The following AGPAT1 variants were observed in gnomAD, a reference collection of about 807,000 sequenced individuals.
AGPAT1 encodes 1-acylglycerol-3-phosphate O-acyltransferase 1.
In AGPAT1, 6 loss-of-function variants were observed where a neutral mutation model predicts 31.2. That is an observed-to-expected ratio of 0.19 (90% CI 0.11 to 0.38). The LOEUF (loss-of-function observed/expected upper bound fraction) is 0.38. Among genes scored for constraint, AGPAT1 ranks in the 10% least tolerant of loss-of-function variants. The pLI is 1.00. For synonymous variants in AGPAT1, 139 were observed against 154.0 expected, an observed-to-expected ratio of 0.90 and a Z score of 0.72; for missense variants, 187 against 377.8, an observed-to-expected ratio of 0.49 and a Z score of 4.19.
At chr6:32,176,107 A>T, upstream of AGPAT1, 2 of 984,878 alleles carry the variant, frequency 2.0e-6, no homozygotes, top group Non-Finnish European at 2.4e-6. Flanking sequence ...CCCCTCCCCA[A>T]CGCCTGCTGG....
rs187833281 is a variant in AGPAT1 at position 32,170,102 on chromosome 6, G to A, written c.606+63C>T. The A allele has an allele frequency of 2.7e-3, 4,313 of 1,609,024 alleles. 7 individuals are homozygous for A. Among genetic ancestry groups the A allele is most frequent in the Non-Finnish European group, 3.5e-3 (4,067 of 1,175,408 alleles). On this transcript the variant is annotated intron_variant, in intron 5 of 6. Transcript: ENST00000375107. The surrounding 1 kb of genome is among the most constrained non-coding windows in gnomAD (Gnocchi z 7.7). ...TCAGAGACTCCTACAATAAGCCCCT[G>A]CCCAGAGATGAGGGAATGGTGGGGG...
rs564760629 is a variant in AGPAT1 at position 32,171,269 on chromosome 6, T to C, written c.200+28A>G. On this transcript the variant is annotated intron_variant, in intron 2 of 6. Coordinates refer to ENST00000375107, the MANE Select transcript of AGPAT1 (RefSeq NM_006411.4). This position sits in a 1 kb window ranked among gnomAD's most constrained non-coding sequence, Gnocchi z 6.9. ...ACTCACTTTGTACCCTTAGGTTCCC[T>C]CATTGCCCAAGACCCCTTGCCCCTC... 99 of 1,613,058 alleles carry C rather than the reference T, an allele frequency of 6.1e-5. 1 individual carries two copies. The East Asian group carries it at 1.6e-3, about 25-fold the overall frequency.
chr6:32,171,667 G>A lies in AGPAT1; in HGVS notation c.-9-162C>T. On this transcript the variant is annotated intron_variant, in intron 1 of 6. Coordinates refer to ENST00000375107, the MANE Select transcript of AGPAT1 (RefSeq NM_006411.4). The surrounding 1 kb of genome is among the most constrained non-coding windows in gnomAD (Gnocchi z 6.9). ...GAAACCTTCCCAGGAAGGCTCTCTA[G>A]GATGAGGGTGGTGGAGAAAGAGCTC... 1.1e-6 allele frequency: 1 copy of A among 918,602 alleles called. No homozygotes were observed. Among genetic ancestry groups the A allele is most frequent in the Non-Finnish European group, 1.6e-6 (1 of 618,506 alleles). 56.9% of individuals were successfully genotyped at this position (918,602 alleles called of 1,614,324 possible). A position where few individuals can be genotyped will look rare whatever the true frequency, so the allele number is the denominator to read the frequency against.
rs1785510236 is a variant in AGPAT1, at chr6:32,176,007, G to C, written c.-203C>G. ...GGTTGGGCCCATAGCGGTAGGAATG[G>C]TGGGGGGCTGTCCCCCCAGCACCCT... is the stretch of plus-strand genomic sequence containing the variant. On this transcript the variant is annotated 5_prime_UTR_variant, in exon 1 of 7. Coordinates refer to ENST00000375107, the MANE Select transcript of AGPAT1 (RefSeq NM_006411.4). 4.1e-6 allele frequency: 4 copies of C among 985,182 alleles called. No individual in the cohort carries two copies. Among genetic ancestry groups the C allele is most frequent in the African/African-American group, 1.7e-5 (1 of 57,166 alleles). The allele number at this position is 985,182 out of a possible 1,614,324, so 61.0% of individuals were successfully genotyped here. A position where few individuals can be genotyped will look rare whatever the true frequency, so the allele number is the denominator to read the frequency against.
In AGPAT1 at chr6:32,173,323, G is replaced by A. The variant is rs187348413; in HGVS notation, c.-9-1818C>T. Among the ~76,000 whole-genome samples the A allele has an allele frequency of 1.3e-5, 2 of 152,306 alleles. No homozygotes were observed. The highest frequency in any genetic ancestry group is 3.9e-4 in the East Asian group (2 of 5,182). ...AGGTAAGCCTATTGCCAAGCGAGAA[G>A]GTAACAGGCAATAGAGGAAACAGGA... On this transcript the variant is annotated intron_variant, in intron 1 of 6. Transcript: ENST00000375107. This position sits in a 1 kb window ranked among gnomAD's most constrained non-coding sequence, Gnocchi z 4.7.
In AGPAT1 at chr6:32,169,365, G is replaced by A. The variant is rs1375429510; in HGVS notation, c.763C>T (p.Arg255Trp). The A allele has an allele frequency of 6.2e-7, 1 of 1,612,912 alleles. No homozygotes were observed. The highest frequency in any genetic ancestry group is 8.5e-7 in the Non-Finnish European group (1 of 1,179,966). Residue 255 changes from arginine (R) to tryptophan (W), a missense_variant, in exon 7 of 7, where the codon CGG becomes TGG. By Grantham distance (101) the Arg-to-Trp change is moderately radical. Transcript: ENST00000375107. This position sits in a 1 kb window ranked among gnomAD's most constrained non-coding sequence, Gnocchi z 5.9. ...CGGAAAACAGTGAGCATGGAGTGCC[G>A]GACTCTGTCAGCCAGAGCTGGGACG... ...DDVPALADRVRHSMLTVFREI... is the reference protein window; with the variant it reads ...DDVPALADRVWHSMLTVFREI...
chr6:32,176,143 G>A (rs1561855452), upstream of AGPAT1: 1 of 985,474 alleles, frequency 1.0e-6, no homozygotes, highest in South Asian at 4.7e-5. Context: ...AGGAAGTGGA[G>A]GGCGGTGATG....
At position 32,174,807 on chromosome 6, in the gene AGPAT1, A is replaced by T. The variant is rs1785390019; in HGVS notation, c.-10+1007T>A. ...ATTTAGAAATGCAATGGAGGGCCAAATTTAATGAGCATACGGCTCACAAAA... is the reference window on the plus strand; with the variant it reads ...ATTTAGAAATGCAATGGAGGGCCAATTTTAATGAGCATACGGCTCACAAAA... On this transcript the variant is annotated intron_variant, in intron 1 of 6. Transcript: ENST00000375107. This position sits in a 1 kb window ranked among gnomAD's most constrained non-coding sequence, Gnocchi z 4.5. 1.3e-5 allele frequency among the ~76,000 whole-genome samples: 2 copies of T among 152,250 alleles called. No homozygotes were observed. The highest frequency in any genetic ancestry group is 4.1e-4 in the South Asian group (2 of 4,832).
rs1785389669 is a variant in AGPAT1, at chr6:32,174,802, G to A, written c.-10+1012C>T. Among the ~76,000 whole-genome samples, 1 of 152,186 alleles carries A rather than the reference G, an allele frequency of 6.6e-6. No homozygotes were observed. The highest frequency in any genetic ancestry group is 2.4e-5 in the African/African-American group (1 of 41,432). On this transcript the variant is annotated intron_variant, in intron 1 of 6. Coordinates refer to ENST00000375107, the MANE Select transcript of AGPAT1 (RefSeq NM_006411.4). This position sits in a 1 kb window ranked among gnomAD's most constrained non-coding sequence, Gnocchi z 4.5. The stretch of plus-strand genomic sequence containing the variant: ...CAAGGATTTAGAAATGCAATGGAGG[G>A]CCAAATTTAATGAGCATACGGCTCA...
At position 32,170,915 on chromosome 6, in the gene AGPAT1, G is replaced by A. The variant is rs1449753940; in HGVS notation, c.334+22C>T. ...GAGGGGAGGCATGGCTGGGGGAGGT[G>A]TGCCCTGTGGTGGGGTCTCACCAAG... On this transcript the variant is annotated intron_variant, in intron 3 of 6. Coordinates refer to ENST00000375107, the MANE Select transcript of AGPAT1 (RefSeq NM_006411.4). The surrounding 1 kb of genome is among the most constrained non-coding windows in gnomAD (Gnocchi z 7.7). The A allele has an allele frequency of 1.9e-6, 3 of 1,599,388 alleles. No homozygotes were observed. The highest frequency in any genetic ancestry group is 3.4e-5 in the Admixed American group (2 of 59,404).
In AGPAT1 at chr6:32,172,344, ATGT is replaced by A. The variant is rs1392830807; in HGVS notation, c.-9-842_-9-840del. The stretch of plus-strand genomic sequence containing the variant: ...AAAAAAAGAAATTATAATCTTTTGG[ATGT>A]TATCAGATTCAAGAAAATATATTAC... On this transcript the variant is annotated intron_variant, in intron 1 of 6. Coordinates refer to ENST00000375107, the MANE Select transcript of AGPAT1 (RefSeq NM_006411.4). This position sits in a 1 kb window ranked among gnomAD's most constrained non-coding sequence, Gnocchi z 4.3. Among the ~76,000 whole-genome samples the A allele has an allele frequency of 1.1e-4, 17 of 151,804 alleles. No homozygotes were observed. The South Asian group carries it at 1.2e-3, about 11-fold the overall frequency.
In AGPAT1 at chr6:32,169,002, A is replaced by G. The variant is rs1309908575; in HGVS notation, c.*274T>C. 3.9e-6 allele frequency: 2 copies of G among 511,080 alleles called. No homozygotes were observed. Among genetic ancestry groups the G allele is most frequent in the East Asian group, 3.1e-5 (1 of 32,570 alleles). 31.7% of individuals were successfully genotyped at this position (511,080 alleles called of 1,614,324 possible). A position where few individuals can be genotyped will look rare whatever the true frequency, so the allele number is the denominator to read the frequency against. On this transcript the variant is annotated 3_prime_UTR_variant, in exon 7 of 7. Transcript: ENST00000375107. The surrounding 1 kb of genome is among the most constrained non-coding windows in gnomAD (Gnocchi z 5.9). Reference sequence around the variant, plus strand: ...CCTTGTGTAGGCTGAGTCACTGGAGATGAGGGGGAGGCAACTGTCCCACAG... The same window carrying G: ...CCTTGTGTAGGCTGAGTCACTGGAGGTGAGGGGGAGGCAACTGTCCCACAG...
Position 32,170,918 on chromosome 6 carries a change from C to T in AGPAT1, c.334+19G>A. 6.2e-7 allele frequency: 1 copy of T among 1,601,564 alleles called. No homozygotes were observed. On this transcript the variant is annotated intron_variant, in intron 3 of 6. Transcript: ENST00000375107. This position sits in a 1 kb window ranked among gnomAD's most constrained non-coding sequence, Gnocchi z 7.7. ...GGGAGGCATGGCTGGGGGAGGTGTG[C>T]CCTGTGGTGGGGTCTCACCAAGCAG...
Position 32,170,786 on chromosome 6 carries a change from T to C in AGPAT1, c.334+151A>G, listed in dbSNP as rs1236284646. 7.8e-7 allele frequency: 1 copy of C among 1,277,770 alleles called. No individual in the cohort carries two copies. Among genetic ancestry groups the C allele is most frequent in the Non-Finnish European group, 1.1e-6 (1 of 905,090 alleles). 79.2% of individuals were successfully genotyped at this position (1,277,770 alleles called of 1,614,324 possible). A position where few individuals can be genotyped will look rare whatever the true frequency, so the allele number is the denominator to read the frequency against. ...ATATGTAACCTGCTTATGAGGGCAG[T>C]TCTACCCAGGGAATGAAGGCCTGAG... On this transcript the variant is annotated intron_variant, in intron 3 of 6. Transcript: ENST00000375107. The surrounding 1 kb of genome is among the most constrained non-coding windows in gnomAD (Gnocchi z 7.7).
Position 32,169,889 on chromosome 6 carries a change from T to A in AGPAT1, c.679+77A>T. 7.6e-7 allele frequency: 1 copy of A among 1,319,208 alleles called. No homozygotes were observed. The highest frequency in any genetic ancestry group is 1.1e-6 in the Non-Finnish European group (1 of 923,772). 81.7% of individuals were successfully genotyped at this position (1,319,208 alleles called of 1,614,324 possible). On this transcript the variant is annotated intron_variant, in intron 6 of 6. Transcript: ENST00000375107. This position sits in a 1 kb window ranked among gnomAD's most constrained non-coding sequence, Gnocchi z 5.9. ...GACATCTCATGGCTCTGACACTGAA[T>A]GATCCCCCTGCCTCACAGGGATGTC... is the stretch of plus-strand genomic sequence containing the variant.
At position 32,176,043 on chromosome 6, in the gene AGPAT1, C is replaced by G. The variant is rs1289677413; in HGVS notation, c.-239G>C. The G allele has an allele frequency of 1.0e-6, 1 of 984,732 alleles. No individual in the cohort carries two copies. The highest frequency in any genetic ancestry group is 4.7e-5 in the South Asian group (1 of 21,288). The allele number at this position is 984,732 out of a possible 1,614,324, so 61.0% of individuals were successfully genotyped here. On this transcript the variant is annotated 5_prime_UTR_variant, in exon 1 of 7. Coordinates refer to ENST00000375107, the MANE Select transcript of AGPAT1 (RefSeq NM_006411.4). ...TCCCCCCAGCACCCTCCCTCCCTCC[C>G]TTTCTGCTGTCTCTCTGAGGGCTGG...
chr6:32,173,898 T>A lies in AGPAT1; in HGVS notation c.-10+1916A>T, dbSNP rs1421918367. On this transcript the variant is annotated intron_variant, in intron 1 of 6. Transcript: ENST00000375107. The surrounding 1 kb of genome is among the most constrained non-coding windows in gnomAD (Gnocchi z 4.7). ...GGGCATTAGGTCCAGCAATCTGTTT[T>A]TCTTTTTCTCACTCTGTCACTCAGG... Among the ~76,000 whole-genome samples the A allele has an allele frequency of 6.6e-6, 1 of 152,198 alleles. No individual in the cohort carries two copies.
chr6:32,171,619 C>T lies in AGPAT1; in HGVS notation c.-9-114G>A. 1 of 1,385,600 alleles carries T rather than the reference C, an allele frequency of 7.2e-7. No individual in the cohort carries two copies. Among genetic ancestry groups the T allele is most frequent in the Non-Finnish European group, 9.7e-7 (1 of 1,028,020 alleles). The allele number at this position is 1,385,600 out of a possible 1,614,324, so 85.8% of individuals were successfully genotyped here. A position where few individuals can be genotyped will look rare whatever the true frequency, so the allele number is the denominator to read the frequency against. On this transcript the variant is annotated intron_variant, in intron 1 of 6. Coordinates refer to ENST00000375107, the MANE Select transcript of AGPAT1 (RefSeq NM_006411.4). The surrounding 1 kb of genome is among the most constrained non-coding windows in gnomAD (Gnocchi z 6.9). ...GCTATGAGGACAAGGGCCTGAGACA[C>T]AAACTGGGGCAGGGGTCTCATTGAA... is the stretch of plus-strand genomic sequence containing the variant.
At position 32,171,631 on chromosome 6, in the gene AGPAT1, G is replaced by T; in HGVS notation, c.-9-126C>A. ...AGGGCCTGAGACACAAACTGGGGCA[G>T]GGGTCTCATTGAAACCTTCCCAGGA... On this transcript the variant is annotated intron_variant, in intron 1 of 6. Coordinates refer to ENST00000375107, the MANE Select transcript of AGPAT1 (RefSeq NM_006411.4). This position sits in a 1 kb window ranked among gnomAD's most constrained non-coding sequence, Gnocchi z 6.9. 7.5e-7 allele frequency: 1 copy of T among 1,328,592 alleles called. No homozygotes were observed. The allele number at this position is 1,328,592 out of a possible 1,614,324, so 82.3% of individuals were successfully genotyped here.
Sources: gnomAD v4.1 joint callset for allele counts (sites outside exome capture counted in the v4.1 genomes callset) on GRCh38, gnomAD v4.1.1 for gene constraint, Gnocchi (gnomAD v3.1) non-coding constraint, MANE v1.5 for transcripts, NCBI Gene and HGNC (gene_info 2026-07-23, HGNC 2026-07-21) for gene names.